ABI1: variants seen among roughly 807,000 people sequenced by gnomAD.
ABI1 encodes abl interactor 1.
Under a neutral mutation model 54.6 loss-of-function variants are expected in ABI1, and 14 were observed. The observed-to-expected ratio is 0.26, with a 90% CI of 0.17 to 0.40. The LOEUF is 0.40. Among genes scored for constraint, ABI1 ranks in the 10% least tolerant of loss-of-function variants. ABI1 has a pLI of 1.00. For missense variants in ABI1, 443 were observed against 598.3 expected, an observed-to-expected ratio of 0.74 and a Z score of 2.71; for synonymous variants, 194 against 209.3, an observed-to-expected ratio of 0.93 and a Z score of 0.63.
Position 26,860,418 on chromosome 10 carries a change from C to A in ABI1, c.117+329G>T, listed in dbSNP as rs959111693. The stretch of plus-strand genomic sequence containing the variant: ...TGCGGACTGGAGGCTACCTGGGGGG[C>A]GCGCGACCCCGGTGGCCGGGCCCTG... On this transcript the variant is annotated intron_variant, in intron 1 of 10. Coordinates refer to ENST00000376140, the MANE Select transcript of ABI1 (RefSeq NM_001012750.3). The surrounding 1 kb of genome is among the most constrained non-coding windows in gnomAD (Gnocchi z 4.1). Among the ~76,000 whole-genome samples, 3 of 152,146 alleles carry A rather than the reference C, an allele frequency of 2.0e-5. No homozygotes were observed. Among genetic ancestry groups the A allele is most frequent in the African/African-American group, 2.4e-5 (1 of 41,428 alleles).
At chr10:26,817,819 A>G (rs1411419705) in intron 2 of ABI1, among the ~76,000 whole-genome samples, 1 of 152,144 alleles carries the variant, frequency 6.6e-6, no homozygotes, top group Non-Finnish European at 1.5e-5. Flanking sequence ...ACTTCATGCT[A>G]AAGTATTCCA....
At chr10:26,854,536 C>T (rs1476920231) in intron 1 of ABI1, among the ~76,000 whole-genome samples, 1 of 151,926 alleles carries the variant, frequency 6.6e-6, no homozygotes, top group Non-Finnish European at 1.5e-5. Context: ...ATCACCTTGA[C>T]ACAACAGCAT....
chr10:26,827,321 A>G (rs1217455985), intron 1 of ABI1, among the ~76,000 whole-genome samples: 3 of 151,062 alleles, frequency 2.0e-5, no homozygotes, highest in African/African-American at 7.3e-5. Flanking sequence ...TCCCAGGTTC[A>G]TGCCATTCTC....
chr10:26,747,512 ACAATATG>A lies in ABI1; in HGVS notation c.*1051_*1057del, dbSNP rs1837078175. 1 of 206,938 alleles carries A rather than the reference ACAATATG, an allele frequency of 4.8e-6. No individual in the cohort carries two copies. Among genetic ancestry groups the A allele is most frequent in the Non-Finnish European group, 9.9e-6 (1 of 101,220 alleles). 12.8% of individuals were successfully genotyped at this position (206,938 alleles called of 1,614,324 possible). On this transcript the variant is annotated 3_prime_UTR_variant, in exon 11 of 11. Coordinates refer to ENST00000376140, the MANE Select transcript of ABI1 (RefSeq NM_001012750.3). Reference sequence around the variant, plus strand: ...TCACAAATCAACTGTATCCACTTTTACAATATGTAAAAGGTACTTTTAACTTCCTTTC... The same window carrying A: ...TCACAAATCAACTGTATCCACTTTTATAAAAGGTACTTTTAACTTCCTTTC...
At position 26,775,266 on chromosome 10, in the gene ABI1, G is replaced by T. The variant is rs1036184444; in HGVS notation, c.462+1799C>A. ...GGGAAAAGTAATTGTATGTATGTGT[G>T]TATTTTTCAGTCACAGAAACAAACT... On this transcript the variant is annotated intron_variant, in intron 3 of 10. Coordinates refer to ENST00000376140, the MANE Select transcript of ABI1 (RefSeq NM_001012750.3). Among the ~76,000 whole-genome samples, 13 of 152,218 alleles carry T rather than the reference G, an allele frequency of 8.5e-5. No homozygotes were observed. In the East Asian group the frequency reaches 2.3e-3, roughly 27 times the overall value.
intron 1 of ABI1, among the ~76,000 whole-genome samples, chr10:26,844,098 T>C (rs10508721): frequency 0.045 from 6,915 of 152,282 alleles, 472 homozygotes; most frequent in African/African-American, 0.15. Flanking sequence ...AGTTCAAGTA[T>C]GTTTTTGACT....
intron 2 of ABI1, among the ~76,000 whole-genome samples, chr10:26,796,955 C>T (rs1289313461): frequency 6.6e-6 from 1 of 152,120 alleles, no homozygotes; most frequent in African/African-American, 2.4e-5. Context: ...AATCTAATGC[C>T]ACAGCTAATC....
intron 1 of ABI1, among the ~76,000 whole-genome samples, chr10:26,826,153 T>G (rs1305214524): frequency 6.6e-6 from 1 of 152,254 alleles, no homozygotes; most frequent in Non-Finnish European, 1.5e-5. Flanking sequence ...AAGGCAGCTA[T>G]AGCCTTACAA....
rs555637859 is a variant in ABI1 at position 26,803,116 on chromosome 10, G to A, written c.285+20022C>T. On this transcript the variant is annotated intron_variant, in intron 2 of 10. Coordinates refer to ENST00000376140, the MANE Select transcript of ABI1 (RefSeq NM_001012750.3). ...CTAAACAATGAGCAAGAGTTAGGCA[G>A]AAGAAATAGGGGAGACAGACATTCC... 2.0e-5 allele frequency among the ~76,000 whole-genome samples: 3 copies of A among 152,278 alleles called. No individual in the cohort carries two copies. In the South Asian group the frequency reaches 6.2e-4, roughly 32 times the overall value.
intron 1 of ABI1, among the ~76,000 whole-genome samples, chr10:26,828,122 G>A (rs2048428866): frequency 6.6e-6 from 1 of 152,136 alleles, no homozygotes; most frequent in African/African-American, 2.4e-5. Flanking sequence ...GCCAACATAG[G>A]GTTATGAATT....
chr10:26,779,541 T>C (rs1046127886), intron 2 of ABI1, among the ~76,000 whole-genome samples: 12 of 152,186 alleles, frequency 7.9e-5, no homozygotes, highest in African/African-American at 2.7e-4. Flanking sequence ...GACATACATC[T>C]ACACTGAGTT....
intron 3 of ABI1, among the ~76,000 whole-genome samples, chr10:26,773,863 G>A (rs1179416169): frequency 6.6e-6 from 1 of 152,092 alleles, no homozygotes. Flanking sequence ...GAAGCTGCCC[G>A]ATTCATGAAT....
At chr10:26,801,979 A>G (rs2046595210) in intron 2 of ABI1, among the ~76,000 whole-genome samples, 1 of 152,260 alleles carries the variant, frequency 6.6e-6, no homozygotes, top group African/African-American at 2.4e-5. Context: ...TAGTTAACAG[A>G]GACTCCTAAT....
At chr10:26,759,977 C>T (rs1360853818) in intron 7 of ABI1, among the ~76,000 whole-genome samples, 1 of 151,510 alleles carries the variant, frequency 6.6e-6, no homozygotes, top group Non-Finnish European at 1.5e-5. Context: ...AATTTTTTGA[C>T]TCTATAAAAT....
At chr10:26,811,274 C>G (rs546948703) in intron 2 of ABI1, among the ~76,000 whole-genome samples, 5 of 152,094 alleles carry the variant, frequency 3.3e-5, no homozygotes, top group African/African-American at 1.2e-4. Context: ...CTTTGTCACT[C>G]TAGCCCCCAA....
At chr10:26,761,974 T>C (rs1343074675) in intron 7 of ABI1, among the ~76,000 whole-genome samples, 1 of 152,058 alleles carries the variant, frequency 6.6e-6, no homozygotes, top group African/African-American at 2.4e-5. Flanking sequence ...ACAGTGGTTC[T>C]CAAACTTCAT....
chr10:26,812,224 C>T (rs930398886), intron 2 of ABI1, among the ~76,000 whole-genome samples: 1 of 152,200 alleles, frequency 6.6e-6, no homozygotes, highest in Non-Finnish European at 1.5e-5. Context: ...GTAACATCCA[C>T]ATTCTCAGGG....
chr10:26,756,436 G>A (rs1387655793), intron 8 of ABI1, among the ~76,000 whole-genome samples: 1 of 152,048 alleles, frequency 6.6e-6, no homozygotes. Context: ...AGTTTCATGG[G>A]ATATCTCAAA....
intron 1 of ABI1, chr10:26,839,834 T>C (rs2134040925): frequency 2.9e-6 from 2 of 695,594 alleles, no homozygotes; most frequent in Admixed American, 2.0e-5. Flanking sequence ...ACTTTAAAGA[T>C]GGTAAAGATG....
Sources: gnomAD v4.1 joint callset for allele counts (sites outside exome capture counted in the v4.1 genomes callset) on GRCh38, gnomAD v4.1.1 for gene constraint, Gnocchi (gnomAD v3.1) non-coding constraint, MANE v1.5 for transcripts, NCBI Gene and HGNC (gene_info 2026-07-23, HGNC 2026-07-21) for gene names.